The following FHIT variants were observed in gnomAD, a reference collection of about 807,000 sequenced individuals.
FHIT encodes the protein fragile histidine triad diadenosine triphosphatase.
In FHIT, 19 loss-of-function variants were observed where a neutral mutation model predicts 17.9. That is an observed-to-expected ratio of 1.06 (90% CI 0.74 to 1.56). The LOEUF (loss-of-function observed/expected upper bound fraction) is 1.56. Ranked by LOEUF, FHIT falls within the 40% of genes most tolerant of loss-of-function variation. FHIT has a pLI of 0.00. For missense variants in FHIT, 248 were observed against 189.2 expected (o/e 1.31, Z -1.82); for synonymous variants, 81 against 69.7 (o/e 1.16, Z -0.81).
intron 4 of FHIT, among the ~76,000 whole-genome samples, chr3:60,638,283 T>G (rs1553684445): frequency 6.6e-6 from 1 of 152,132 alleles, no homozygotes; most frequent in Non-Finnish European, 1.5e-5. Context: ...GCAGGAGGAA[T>G]GACAGATTTA....
At chr3:60,552,568 C>T (rs1347227557) in intron 4 of FHIT, among the ~76,000 whole-genome samples, 3 of 151,974 alleles carry the variant, frequency 2.0e-5, no homozygotes, top group Non-Finnish European at 4.4e-5. Flanking sequence ...TTTGAAAGTT[C>T]CTATGGTGAT....
intron 4 of FHIT, among the ~76,000 whole-genome samples, chr3:60,680,975 G>A (rs1289501733): frequency 6.6e-6 from 1 of 152,194 alleles, no homozygotes; most frequent in African/African-American, 2.4e-5. Context: ...CATGTTAATT[G>A]TAGAAGTCAT....
At chr3:60,401,192 A>G (rs1478367039) in intron 5 of FHIT, among the ~76,000 whole-genome samples, 4 of 152,140 alleles carry the variant, frequency 2.6e-5, no homozygotes, top group Non-Finnish European at 5.9e-5. Flanking sequence ...GAAGATTTTT[A>G]GTGAATTCCT....
intron 3 of FHIT, among the ~76,000 whole-genome samples, chr3:60,902,249 A>G (rs782049475): frequency 2.6e-5 from 4 of 152,198 alleles, no homozygotes; most frequent in Non-Finnish European, 4.4e-5. Flanking sequence ...CATCATATAA[A>G]TGCAATCATA....
chr3:59,925,666 C>G (rs1327469149), intron 7 of FHIT, among the ~76,000 whole-genome samples: 1 of 152,156 alleles, frequency 6.6e-6, no homozygotes, highest in African/African-American at 2.4e-5. Flanking sequence ...CTGGTAACCA[C>G]TTGAAATTCG....
At chr3:59,904,530 G>A (rs1325522338) in intron 8 of FHIT, among the ~76,000 whole-genome samples, 2 of 152,136 alleles carry the variant, frequency 1.3e-5, no homozygotes, top group African/African-American at 2.4e-5. Flanking sequence ...TTTTGATGTA[G>A]GATTTTTCTT....
intron 8 of FHIT, among the ~76,000 whole-genome samples, chr3:59,920,721 G>T (rs1705361294): frequency 6.6e-6 from 1 of 152,118 alleles, no homozygotes; most frequent in Non-Finnish European, 1.5e-5. Context: ...ATTAACCTTA[G>T]TTTACATTAG....
chr3:59,986,994 T>G (rs1287353049), intron 7 of FHIT, among the ~76,000 whole-genome samples: 2 of 128,198 alleles, frequency 1.6e-5, no homozygotes, highest in African/African-American at 5.9e-5. Flanking sequence ...TATTTTATAT[T>G]TTATATATAT....
At chr3:61,207,025 T>C (rs2039261214) in intron 1 of FHIT, among the ~76,000 whole-genome samples, 1 of 152,230 alleles carries the variant, frequency 6.6e-6, no homozygotes, top group Admixed American at 6.5e-5. Context: ...GTTTTTAGCA[T>C]GAAGAGTTGT....
chr3:59,894,660 G>A (rs1021634735), intron 8 of FHIT, among the ~76,000 whole-genome samples: 1 of 152,150 alleles, frequency 6.6e-6, no homozygotes, highest in South Asian at 2.1e-4. Flanking sequence ...TGGTTCTGTA[G>A]TATGTTTGGA....
chr3:59,987,966 T>C (rs573973812), intron 7 of FHIT, among the ~76,000 whole-genome samples: 79 of 152,230 alleles, frequency 5.2e-4, no homozygotes, highest in African/African-American at 1.8e-3. Context: ...CCTGACCCAC[T>C]ACAGAAAAAT....
At chr3:61,143,833 T>G (rs2037154128) in intron 2 of FHIT, among the ~76,000 whole-genome samples, 1 of 152,048 alleles carries the variant, frequency 6.6e-6, no homozygotes, top group Non-Finnish European at 1.5e-5. Context: ...GCCACTACAC[T>G]CCAGATTGGG....
intron 8 of FHIT, among the ~76,000 whole-genome samples, chr3:59,765,879 AT>A (rs1701770699): frequency 6.6e-6 from 1 of 152,234 alleles, no homozygotes; most frequent in South Asian, 2.1e-4. Flanking sequence ...ACATAATTAA[AT>A]ACCATGGCTC....
chr3:60,831,012 G>C (rs1371338592), intron 3 of FHIT, among the ~76,000 whole-genome samples: 3 of 152,160 alleles, frequency 2.0e-5, no homozygotes, highest in Admixed American at 1.3e-4. Context: ...TTCTCTGACA[G>C]ATAGAAAATC....
intron 4 of FHIT, among the ~76,000 whole-genome samples, chr3:60,641,243 T>A (rs554947410): frequency 1.3e-5 from 2 of 152,070 alleles, no homozygotes; most frequent in Admixed American, 1.3e-4. Flanking sequence ...ATCATGGAAG[T>A]TGGATGACAG....
At chr3:61,120,024 A>G (rs2036410613) in intron 2 of FHIT, among the ~76,000 whole-genome samples, 1 of 152,206 alleles carries the variant, frequency 6.6e-6, no homozygotes, top group South Asian at 2.1e-4. Flanking sequence ...TCTCTGGATA[A>G]CCTTGATTAA....
intron 5 of FHIT, among the ~76,000 whole-genome samples, chr3:60,184,115 G>A (rs1015737197): frequency 3.3e-5 from 5 of 151,806 alleles, no homozygotes; most frequent in African/African-American, 1.2e-4. Context: ...AGCCTCCTGA[G>A]TAACTCGGAT....
At chr3:61,045,275 G>T (rs1238061118) in intron 2 of FHIT, among the ~76,000 whole-genome samples, 1 of 152,140 alleles carries the variant, frequency 6.6e-6, no homozygotes, top group Non-Finnish European at 1.5e-5. Flanking sequence ...TCAAAATAAA[G>T]GGATGGAGGA....
intron 2 of FHIT, among the ~76,000 whole-genome samples, chr3:61,105,628 C>T (rs1479451535): frequency 3.3e-5 from 5 of 152,120 alleles, no homozygotes; most frequent in Non-Finnish European, 7.4e-5. Context: ...GATCAACTCT[C>T]CCTGAACCCC....
Sources: gnomAD v4.1 joint callset for allele counts (sites outside exome capture counted in the v4.1 genomes callset) on GRCh38, gnomAD v4.1.1 for gene constraint, MANE v1.5 for transcripts, NCBI Gene and HGNC (gene_info 2026-07-23, HGNC 2026-07-21) for gene names.